SORCS3: variants seen among roughly 807,000 people sequenced by gnomAD.
SORCS3 encodes sortilin related VPS10 domain containing receptor 3.
A neutral mutation model predicts 146.3 loss-of-function variants in SORCS3; 57 were observed. The observed-to-expected ratio is 0.39, with a 90% CI of 0.31 to 0.49. The LOEUF (loss-of-function observed/expected upper bound fraction) is 0.49, where lower values mean the gene tolerates loss of function less well. SORCS3 is among the 20% of genes least tolerant of loss of function. SORCS3 has a pLI of 0.92. For synonymous variants in SORCS3, 653 were observed against 618.5 expected (o/e 1.06, Z -0.83); for missense variants, 1,341 against 1,575.5 (o/e 0.85, Z 2.52).
intron 4 of SORCS3, among the ~76,000 whole-genome samples, chr10:104,999,874 G>C (rs985099819): frequency 1.8e-4 from 27 of 152,182 alleles, no homozygotes; most frequent in African/African-American, 5.5e-4. Context: ...TTTATCCCAG[G>C]GGTTTTCATA....
intron 1 of SORCS3, among the ~76,000 whole-genome samples, chr10:104,792,921 A>C (rs2017511821): frequency 6.6e-6 from 1 of 152,090 alleles, no homozygotes; most frequent in South Asian, 2.1e-4. Context: ...GGGGTCATGG[A>C]TTTCCCAAGT....
At chr10:104,970,955 T>A (rs2054857227) in intron 3 of SORCS3, among the ~76,000 whole-genome samples, 1 of 152,178 alleles carries the variant, frequency 6.6e-6, no homozygotes, top group Non-Finnish European at 1.5e-5. Flanking sequence ...GACTGCATGA[T>A]AGAAAATTGG....
At chr10:104,642,374 T>TACCCCCACCCC (rs2015434827) in intron 1 of SORCS3, among the ~76,000 whole-genome samples, 2 of 116,926 alleles carry the variant, frequency 1.7e-5, no homozygotes, top group African/African-American at 3.2e-5. Context: ...GGGCTCCCCC[T>TACCCCCACCCC]ACCCCCACCC....
At position 105,248,284 on chromosome 10, in the gene SORCS3, C is replaced by G. The variant is rs140211610; in HGVS notation, c.3105+953C>G. On this transcript the variant is annotated intron_variant, in intron 22 of 26. Coordinates refer to ENST00000369701, the MANE Select transcript of SORCS3 (RefSeq NM_014978.3). ...GGCAGAGAGAACAGTATGATTCACG[C>G]TATCCAGGGACATGAAGACTTGGCA... is the stretch of plus-strand genomic sequence containing the variant. Among the ~76,000 whole-genome samples the G allele has an allele frequency of 1.3e-3, 205 of 152,294 alleles. 1 individual carries two copies. The highest frequency in any genetic ancestry group is 1.9e-4 in the East Asian group (1 of 5,186).
rs543394177 is a variant in SORCS3, at chr10:105,242,023, C to T, written c.2869-3519C>T. Among the ~76,000 whole-genome samples, 9 of 151,932 alleles carry T rather than the reference C, an allele frequency of 5.9e-5. No individual in the cohort carries two copies. The South Asian group carries it at 8.3e-4, about 14-fold the overall frequency. On this transcript the variant is annotated intron_variant, in intron 20 of 26. Coordinates refer to ENST00000369701, the MANE Select transcript of SORCS3 (RefSeq NM_014978.3). Reference sequence around the variant, plus strand: ...GTAACTTGGCTTTCAGGCTTTAAACCGTCTTTAGCTTGGAGGTGGGGTTTC... The same window carrying T: ...GTAACTTGGCTTTCAGGCTTTAAACTGTCTTTAGCTTGGAGGTGGGGTTTC...
chr10:104,745,201 T>C (rs2016893354), intron 1 of SORCS3, among the ~76,000 whole-genome samples: 1 of 152,188 alleles, frequency 6.6e-6, no homozygotes, highest in African/African-American at 2.4e-5. Flanking sequence ...AAAACTGAGT[T>C]AATGAGGCTA....
At chr10:105,112,426 G>A (rs911325653) in intron 7 of SORCS3, among the ~76,000 whole-genome samples, 11 of 152,096 alleles carry the variant, frequency 7.2e-5, no homozygotes, top group Admixed American at 3.3e-4. Context: ...AGAAAAGGGC[G>A]AGCTTTTTCA....
At chr10:105,208,347 GAAA>G (rs752487151) in intron 16 of SORCS3, among the ~76,000 whole-genome samples, 2 of 119,012 alleles carry the variant, frequency 1.7e-5, no homozygotes. Context: ...TCTCAGAGAG[GAAA>G]AAAAAAAAAA....
At chr10:105,035,199 G>A (rs1437474007) in intron 4 of SORCS3, among the ~76,000 whole-genome samples, 1 of 152,162 alleles carries the variant, frequency 6.6e-6, no homozygotes, top group Non-Finnish European at 1.5e-5. Flanking sequence ...GAAGATTTAT[G>A]AAGAAATGTA....
intron 7 of SORCS3, among the ~76,000 whole-genome samples, chr10:105,136,381 A>G (rs981341119): frequency 6.6e-6 from 1 of 152,186 alleles, no homozygotes; most frequent in African/African-American, 2.4e-5. Flanking sequence ...CATAGTCCTC[A>G]TGTCCCAGTC....
chr10:105,023,267 C>T (rs941659458), intron 4 of SORCS3, among the ~76,000 whole-genome samples: 4 of 152,278 alleles, frequency 2.6e-5, no homozygotes, highest in Admixed American at 1.3e-4. Context: ...TTTTTTATTA[C>T]TATGTGTAAA....
chr10:104,941,859 G>A (rs577252242), intron 3 of SORCS3, among the ~76,000 whole-genome samples: 12 of 152,210 alleles, frequency 7.9e-5, no homozygotes, highest in Admixed American at 2.6e-4. Flanking sequence ...AAAGAGTCCA[G>A]GCCTTGGAAA....
At chr10:105,218,785 G>T (rs1228049765) in intron 19 of SORCS3, among the ~76,000 whole-genome samples, 1 of 152,216 alleles carries the variant, frequency 6.6e-6, no homozygotes, top group Non-Finnish European at 1.5e-5. Context: ...GGGAGGCCAA[G>T]GCAGGCAGAT....
At chr10:104,973,976 G>A (rs1010403866) in intron 3 of SORCS3, among the ~76,000 whole-genome samples, 3 of 152,040 alleles carry the variant, frequency 2.0e-5, no homozygotes, top group Non-Finnish European at 4.4e-5. Context: ...TCAGGAGCAG[G>A]TTGTTCAGTT....
intron 1 of SORCS3, among the ~76,000 whole-genome samples, chr10:104,823,744 C>T (rs1171147088): frequency 6.6e-6 from 1 of 152,186 alleles, no homozygotes; most frequent in Non-Finnish European, 1.5e-5. Flanking sequence ...TACCCATGTC[C>T]TGATCTCTAG....
chr10:105,120,994 G>A (rs971221433), intron 7 of SORCS3, among the ~76,000 whole-genome samples: 1 of 152,130 alleles, frequency 6.6e-6, no homozygotes, highest in Non-Finnish European at 1.5e-5. Context: ...TATTCAGGAT[G>A]CTTATATGGA....
At chr10:105,135,599 C>T (rs1422542318) in intron 7 of SORCS3, among the ~76,000 whole-genome samples, 1 of 152,136 alleles carries the variant, frequency 6.6e-6, no homozygotes, top group Non-Finnish European at 1.5e-5. Flanking sequence ...TTGTAAGCTG[C>T]CTTTAATTCA....
intron 2 of SORCS3, among the ~76,000 whole-genome samples, chr10:104,854,608 G>C (rs985691352): frequency 6.6e-6 from 1 of 152,122 alleles, no homozygotes; most frequent in African/African-American, 2.4e-5. Context: ...GTGTGGGGGT[G>C]TGGGGAAGGT....
At chr10:105,083,453 G>T (rs761708282) in intron 5 of SORCS3, among the ~76,000 whole-genome samples, 62 of 152,062 alleles carry the variant, frequency 4.1e-4, no homozygotes, top group Non-Finnish European at 5.3e-4. Context: ...AGAGGGAAGA[G>T]GTGCCAGGGG....
Sources: gnomAD v4.1 joint callset for allele counts (sites outside exome capture counted in the v4.1 genomes callset) on GRCh38, gnomAD v4.1.1 for gene constraint, MANE v1.5 for transcripts, NCBI Gene and HGNC (gene_info 2026-07-23, HGNC 2026-07-21) for gene names.